Variants in ATXN1 observed in about 807,000 individuals in gnomAD.
ATXN1 encodes ataxin-1.
ATXN1 carries 8 observed loss-of-function variants against 56.4 expected under a neutral mutation model. That is an observed-to-expected ratio of 0.14 (90% CI 0.08 to 0.26). ATXN1 has a LOEUF of 0.26. Among genes scored for constraint, ATXN1 ranks in the 10% least tolerant of loss-of-function variants. The pLI is 1.00. For synonymous variants in ATXN1, 514 were observed against 494.6 expected (o/e 1.04, Z -0.52); for missense variants, 987 against 1,106.5 (o/e 0.89, Z 1.53).
At chr6:16,342,967 C>T (rs1325992889) in intron 6 of ATXN1, among the ~76,000 whole-genome samples, 1 of 152,122 alleles carries the variant, frequency 6.6e-6, no homozygotes, top group Non-Finnish European at 1.5e-5. Flanking sequence ...CAAGAATGTG[C>T]CACTTAACCG....
intron 2 of ATXN1, among the ~76,000 whole-genome samples, chr6:16,670,656 T>G (rs570625442): frequency 6.6e-6 from 1 of 152,334 alleles, no homozygotes; most frequent in African/African-American, 2.4e-5. Context: ...CCTAGAAGCA[T>G]GTCCTGTGAG....
At chr6:16,571,550 G>A (rs1035877950) in intron 4 of ATXN1, among the ~76,000 whole-genome samples, 1 of 151,948 alleles carries the variant, frequency 6.6e-6, no homozygotes, top group Non-Finnish European at 1.5e-5. Context: ...GGTGTGCAGT[G>A]GTGCAATCAT....
intron 4 of ATXN1, among the ~76,000 whole-genome samples, chr6:16,546,308 AG>A (rs1761813505): frequency 6.6e-6 from 1 of 152,226 alleles, no homozygotes; most frequent in African/African-American, 2.4e-5. Flanking sequence ...TAGGAACCAT[AG>A]AATTTTTTAA....
In ATXN1 at chr6:16,302,207, A is replaced by G. The variant is rs1259010803; in HGVS notation, c.*4122T>C. Reference sequence around the variant, plus strand: ...CTGCTTCTGGACACGTCAGTGTACCACACACACACCTGCCCCGTCCCTGAG... The same window carrying G: ...CTGCTTCTGGACACGTCAGTGTACCGCACACACACCTGCCCCGTCCCTGAG... On this transcript the variant is annotated 3_prime_UTR_variant, in exon 8 of 8. Transcript: ENST00000436367. The G allele has an allele frequency of 6.6e-6, 1 of 152,466 alleles. No individual in the cohort carries two copies. The highest frequency in any genetic ancestry group is 2.4e-5 in the African/African-American group (1 of 41,422). The allele number at this position is 152,466 out of a possible 1,614,324, so 9.4% of individuals were successfully genotyped here.
At chr6:16,683,331 T>A (rs1758852650) in intron 2 of ATXN1, among the ~76,000 whole-genome samples, 1 of 152,148 alleles carries the variant, frequency 6.6e-6, no homozygotes, top group African/African-American at 2.4e-5. Flanking sequence ...AGCCCTGAGC[T>A]TCTCCATGGA....
Position 16,306,536 on chromosome 6 carries a change from T to C in ATXN1, c.2241A>G (p.Pro747=). ...GCGCTGCAGGCAATCCCATTTTCTC[T>C]GGAAACTTCAGTTCGCCATTCTCAG... ...MLSENGELKF[P]EKMGLPAAPF... Residue 747 remains proline (P), a synonymous_variant, in exon 8 of 8, where the codon CCA becomes CCG. Coordinates refer to ENST00000436367, the MANE Select transcript of ATXN1 (RefSeq NM_001128164.2). This position sits in a 1 kb window ranked among gnomAD's most constrained non-coding sequence, Gnocchi z 5.2. 6.2e-7 allele frequency: 1 copy of C among 1,614,218 alleles called. No individual in the cohort carries two copies. Among genetic ancestry groups the C allele is most frequent in the Non-Finnish European group, 8.5e-7 (1 of 1,180,026 alleles).
At chr6:16,607,197 A>G (rs72825549) in intron 3 of ATXN1, among the ~76,000 whole-genome samples, 3,606 of 152,322 alleles carry the variant, frequency 0.024, 74 homozygotes, top group Middle Eastern at 0.037. Context: ...ATATAAGCCC[A>G]GCTCTGCTGT....
chr6:16,309,797 G>T (rs991594774), intron 7 of ATXN1, among the ~76,000 whole-genome samples: 4 of 152,066 alleles, frequency 2.6e-5, no homozygotes, highest in Non-Finnish European at 4.4e-5. Context: ...ACTTTGGGAG[G>T]CCGAGGTGGG....
chr6:16,588,812 A>G (rs906137524), intron 3 of ATXN1, among the ~76,000 whole-genome samples: 3 of 152,146 alleles, frequency 2.0e-5, no homozygotes, highest in Non-Finnish European at 4.4e-5. Context: ...GGGAGGGAGG[A>G]AGGTAGGAAG....
intron 6 of ATXN1, among the ~76,000 whole-genome samples, chr6:16,402,094 C>G (rs1758585359): frequency 6.6e-6 from 1 of 152,034 alleles, no homozygotes; most frequent in South Asian, 2.1e-4. Context: ...ATGGGAAAGA[C>G]CTGCCCCCCA....
chr6:16,456,258 G>T (rs1309699122), intron 6 of ATXN1, among the ~76,000 whole-genome samples: 1 of 152,142 alleles, frequency 6.6e-6, no homozygotes, highest in South Asian at 2.1e-4. Context: ...ACATCTTGGG[G>T]GATCCTCCCA....
intron 3 of ATXN1, among the ~76,000 whole-genome samples, chr6:16,645,928 G>A (rs531747037): frequency 4.1e-4 from 62 of 152,210 alleles, no homozygotes; most frequent in African/African-American, 1.3e-3. Context: ...GGTGCAAGAT[G>A]TATCTCCAAG....
intron 2 of ATXN1, among the ~76,000 whole-genome samples, chr6:16,727,499 T>C (rs564636302): frequency 5.3e-4 from 80 of 152,286 alleles, no homozygotes; most frequent in African/African-American, 1.9e-3. Context: ...AATATAGTTT[T>C]AACTCTCTTA....
chr6:16,689,500 C>CTT (rs150019337), intron 2 of ATXN1, among the ~76,000 whole-genome samples: 2 of 131,440 alleles, frequency 1.5e-5, no homozygotes, highest in African/African-American at 3.1e-5. Flanking sequence ...TTTTTCCTTC[C>CTT]TTTTTTTTTC....
intron 6 of ATXN1, among the ~76,000 whole-genome samples, chr6:16,331,129 T>C (rs576744464): frequency 1.2e-4 from 18 of 152,204 alleles, no homozygotes; most frequent in Non-Finnish European, 2.1e-4. Context: ...GCCTCCTGAG[T>C]AGCTGGGATT....
At chr6:16,348,758 G>T (rs552229431) in intron 6 of ATXN1, among the ~76,000 whole-genome samples, 13 of 152,146 alleles carry the variant, frequency 8.5e-5, no homozygotes, top group Non-Finnish European at 1.9e-4. Flanking sequence ...AGAATTGCAT[G>T]GGACAATTCA....
At position 16,706,736 on chromosome 6, in the gene ATXN1, A is replaced by C. The variant is rs72827809; in HGVS notation, c.-615+46497T>G. ...AAGACTCCATCTCAAAAAAAAAAAA[A>C]AAAAGGAAGAAAGAAAGAGGACCCT... On this transcript the variant is annotated intron_variant, in intron 2 of 7. Transcript: ENST00000436367. 6.2e-5 allele frequency among the ~76,000 whole-genome samples: 9 copies of C among 144,760 alleles called. 1 individual carries two copies. The highest frequency in any genetic ancestry group is 6.8e-5 in the Admixed American group (1 of 14,700). The allele number at this position is 144,760 out of a possible 152,430, so 95.0% of individuals were successfully genotyped here.
intron 3 of ATXN1, among the ~76,000 whole-genome samples, chr6:16,605,418 T>C (rs1028908964): frequency 6.6e-6 from 1 of 152,188 alleles, no homozygotes; most frequent in Non-Finnish European, 1.5e-5. Context: ...GCTGGGCTTA[T>C]ATAACAGGGC....
At chr6:16,413,370 G>A (rs955601734) in intron 6 of ATXN1, among the ~76,000 whole-genome samples, 6 of 151,878 alleles carry the variant, frequency 4.0e-5, no homozygotes, top group African/African-American at 1.5e-4. Context: ...TACAAATATA[G>A]TTTGTGCATT....
Sources: gnomAD v4.1 joint callset for allele counts (sites outside exome capture counted in the v4.1 genomes callset) on GRCh38, gnomAD v4.1.1 for gene constraint, Gnocchi (gnomAD v3.1) non-coding constraint, MANE v1.5 for transcripts, NCBI Gene and HGNC (gene_info 2026-07-23, HGNC 2026-07-21) for gene names.